Variants in RSRC1 observed in about 807,000 individuals in gnomAD.
RSRC1 encodes the protein arginine and serine rich coiled-coil 1, also known as serine/Arginine-related protein 53.
RSRC1 carries 39 observed loss-of-function variants against 49.1 expected under a neutral mutation model. The observed-to-expected ratio is 0.79, with a 90% CI of 0.61 to 1.04. The LOEUF (loss-of-function observed/expected upper bound fraction) is 1.04, where lower values mean the gene tolerates loss of function less well. RSRC1 is among the 50% of genes least tolerant of loss of function. RSRC1 has a pLI of 0.00. For missense variants in RSRC1, 388 were observed against 402.4 expected (o/e 0.96, Z 0.31); for synonymous variants, 143 against 130.8 (o/e 1.09, Z -0.63).
intron 4 of RSRC1, among the ~76,000 whole-genome samples, chr3:158,277,085 C>G (rs1375453454): frequency 6.6e-6 from 1 of 151,948 alleles, no homozygotes; most frequent in African/African-American, 2.4e-5. Context: ...AAATCTATAA[C>G]AAGAGAGAAA....
chr3:158,462,655 A>G (rs1279846939), intron 7 of RSRC1, among the ~76,000 whole-genome samples: 8 of 151,964 alleles, frequency 5.3e-5, no homozygotes, highest in Non-Finnish European at 8.8e-5. Flanking sequence ...AGAACTCCTC[A>G]TTTACATGTT....
chr3:158,118,421 G>GTC (rs1715000752), intron 1 of RSRC1, among the ~76,000 whole-genome samples: 1 of 99,616 alleles, frequency 1.0e-5, no homozygotes, highest in African/African-American at 4.5e-5. Context: ...TTCTGTGTGT[G>GTC]TGTGTGTGTG....
intron 1 of RSRC1, chr3:158,110,666 C>T (rs532124495): frequency 3.3e-5 from 5 of 152,530 alleles, no homozygotes; most frequent in African/African-American, 9.6e-5. Flanking sequence ...CTCCACTGTC[C>T]CTGCCTTAGA....
At chr3:158,251,781 C>T (rs2108014394) in intron 4 of RSRC1, among the ~76,000 whole-genome samples, 1 of 152,224 alleles carries the variant, frequency 6.6e-6, no homozygotes, top group East Asian at 1.9e-4. Context: ...TTTGACTTTT[C>T]TCATTCCAGT....
chr3:158,467,091 A>C (rs1286265493), intron 7 of RSRC1, among the ~76,000 whole-genome samples: 1 of 152,292 alleles, frequency 6.6e-6, no homozygotes, highest in East Asian at 1.9e-4. Flanking sequence ...AACTAAATAT[A>C]AACTATTGTT....
chr3:158,222,491 A>T (rs1002107856), intron 4 of RSRC1, among the ~76,000 whole-genome samples: 1 of 151,624 alleles, frequency 6.6e-6, no homozygotes, highest in Middle Eastern at 3.4e-3. Context: ...ATTTCACAAC[A>T]TCTTGTTTGT....
rs558935975 is a variant in RSRC1 at position 158,423,289 on chromosome 3, A to G, written c.584-37646A>G. On this transcript the variant is annotated intron_variant, in intron 6 of 9. Transcript: ENST00000611884. ...GGAAGGGATCCAGTTTCAGCTTTCTACATATGGCTAGCCAGTTTTCCCAGC... is the reference window on the plus strand; with the variant it reads ...GGAAGGGATCCAGTTTCAGCTTTCTGCATATGGCTAGCCAGTTTTCCCAGC... Among the ~76,000 whole-genome samples, 248 of 152,158 alleles carry G rather than the reference A, an allele frequency of 1.6e-3. 3 individuals carry two copies. Among genetic ancestry groups the G allele is most frequent in the African/African-American group, 5.7e-3 (236 of 41,526 alleles).
intron 3 of RSRC1, among the ~76,000 whole-genome samples, chr3:158,135,974 T>G (rs1716347607): frequency 1.3e-5 from 2 of 152,212 alleles, no homozygotes; most frequent in South Asian, 4.1e-4. Flanking sequence ...GCAAGCATGG[T>G]AAAGCAGAGC....
At chr3:158,538,877 A>T (rs1712877873) in intron 8 of RSRC1, among the ~76,000 whole-genome samples, 1 of 152,014 alleles carries the variant, frequency 6.6e-6, no homozygotes, top group Non-Finnish European at 1.5e-5. Flanking sequence ...GAATAAATTC[A>T]CACTTGACTG....
chr3:158,401,376 G>A (rs1733886824), intron 6 of RSRC1, among the ~76,000 whole-genome samples: 1 of 151,972 alleles, frequency 6.6e-6, no homozygotes, highest in South Asian at 2.1e-4. Flanking sequence ...TTCCAGGCTA[G>A]CATCAGAAAA....
intron 1 of RSRC1, among the ~76,000 whole-genome samples, chr3:158,119,951 C>T (rs1442112621): frequency 6.6e-6 from 1 of 150,874 alleles, no homozygotes; most frequent in East Asian, 2.0e-4. Flanking sequence ...CTGTCTCAGA[C>T]TACTGAGTAG....
At chr3:158,207,458 G>A (rs541097999) in intron 4 of RSRC1, among the ~76,000 whole-genome samples, 1 of 151,994 alleles carries the variant, frequency 6.6e-6, no homozygotes, top group East Asian at 1.9e-4. Context: ...TTTTTTCCAG[G>A]TGGCTTTAAA....
At chr3:158,444,590 A>C (rs571521840) in intron 6 of RSRC1, among the ~76,000 whole-genome samples, 49 of 152,320 alleles carry the variant, frequency 3.2e-4, no homozygotes, top group African/African-American at 1.2e-3. Flanking sequence ...TTCAGGACGT[A>C]GGCATGGGCA....
intron 3 of RSRC1, among the ~76,000 whole-genome samples, chr3:158,146,574 A>G (rs1717133323): frequency 6.6e-6 from 1 of 152,172 alleles, no homozygotes; most frequent in Non-Finnish European, 1.5e-5. Context: ...CATCAGGGAT[A>G]TAGGTCTAAA....
chr3:158,268,246 C>T (rs2108049616), intron 4 of RSRC1, among the ~76,000 whole-genome samples: 1 of 152,258 alleles, frequency 6.6e-6, no homozygotes, highest in South Asian at 2.1e-4. Flanking sequence ...CAGAGATGCA[C>T]ATATTTGGTT....
intron 4 of RSRC1, chr3:158,276,298 G>A: frequency 1.3e-6 from 1 of 762,236 alleles, no homozygotes. Context: ...GGCCAGATGG[G>A]GTGGGGAGCC....
At chr3:158,275,584 C>T (rs1159847859) in intron 4 of RSRC1, among the ~76,000 whole-genome samples, 1 of 152,188 alleles carries the variant, frequency 6.6e-6, no homozygotes, top group Non-Finnish European at 1.5e-5. Context: ...TATATACTGA[C>T]ATATAATTCC....
intron 7 of RSRC1, among the ~76,000 whole-genome samples, chr3:158,475,723 CCTCTCTCTCT>C (rs3037125): frequency 2.0e-5 from 3 of 149,190 alleles, no homozygotes; most frequent in South Asian, 2.1e-4. Context: ...ACTGGCTATT[CCTCTCTCTCT>C]CTCTCTCTCT....
At chr3:158,505,025 A>G (rs1739786968) in intron 7 of RSRC1, among the ~76,000 whole-genome samples, 1 of 152,184 alleles carries the variant, frequency 6.6e-6, no homozygotes, top group Non-Finnish European at 1.5e-5. Context: ...ACAAATATTT[A>G]TGGGTAGCTT....
Sources: gnomAD v4.1 joint callset for allele counts (sites outside exome capture counted in the v4.1 genomes callset) on GRCh38, gnomAD v4.1.1 for gene constraint, MANE v1.5 for transcripts, NCBI Gene and HGNC (gene_info 2026-07-23, HGNC 2026-07-21) for gene names.